Variants in RCC1 observed in about 807,000 individuals in gnomAD.
RCC1 encodes the protein regulator of chromosome condensation 1, also known as regulator of chromosome condensation.
RCC1 carries 11 observed loss-of-function variants against 44.4 expected under a neutral mutation model. That is an observed-to-expected ratio of 0.25 (90% confidence interval 0.16 to 0.41). The LOEUF is 0.41. Among genes scored for constraint, RCC1 ranks in the 10% least tolerant of loss-of-function variants. The pLI is 1.00. For missense variants in RCC1, 386 were observed against 547.1 expected (o/e 0.71, Z 2.94); for synonymous variants, 213 against 216.5 (o/e 0.98, Z 0.14).
chr1:28,528,531 G>A (rs1663848682), intron 4 of RCC1, among the ~76,000 whole-genome samples: 2 of 152,144 alleles, frequency 1.3e-5, no homozygotes, highest in African/African-American at 4.8e-5. Context: ...GGAAGGCTGA[G>A]GCACAAGAAT....
intron 4 of RCC1, among the ~76,000 whole-genome samples, chr1:28,517,975 C>A (rs1302062164): frequency 1.3e-5 from 2 of 152,274 alleles, no homozygotes; most frequent in African/African-American, 4.8e-5. Context: ...TCCGTACAGA[C>A]CCTACCGCAC....
At chr1:28,531,617 C>G (rs901864691) in intron 5 of RCC1, among the ~76,000 whole-genome samples, 186 bp from the exon 6 acceptor site, 3 of 149,708 alleles carry the variant, frequency 2.0e-5, no homozygotes, top group African/African-American at 7.6e-5. Context: ...TTAATCTCCA[C>G]AAAAATCCTG....
rs767241511 is a variant in RCC1 at position 28,536,247 on chromosome 1, C to A, written c.818-15C>A. On this transcript the variant is annotated splice_polypyrimidine_tract_variant and intron_variant, in intron 10 of 12. Coordinates refer to ENST00000683442, the MANE Select transcript of RCC1 (RefSeq NM_001381865.2). The surrounding 1 kb of genome is among the most constrained non-coding windows in gnomAD (Gnocchi z 4.9). ...AGAACACCTTCACCCCTGATGGCTC[C>A]GGCCTTTCCCCCAGGAACTCCGGGC... The A allele has an allele frequency of 2.5e-6, 4 of 1,612,866 alleles. No individual in the cohort carries two copies. Among genetic ancestry groups the A allele is most frequent in the Non-Finnish European group, 3.4e-6 (4 of 1,179,376 alleles).
intron 3 of RCC1, 107 bp downstream of exon 3, chr1:28,509,012 C>T (rs958073852): frequency 9.6e-6 from 4 of 416,016 alleles, no homozygotes; most frequent in Middle Eastern, 3.8e-4. Context: ...CTTGCTCTGT[C>T]GCCCAGGCTG....
intron 6 of RCC1, 40 bp from the exon 7 acceptor site, chr1:28,532,131 G>A (rs745684281): frequency 6.9e-6 from 11 of 1,600,170 alleles, no homozygotes; most frequent in African/African-American, 2.7e-5. Flanking sequence ...AATGGACTGC[G>A]AGGCCAGACG....
chr1:28,524,949 A>G (rs1663547548), intron 4 of RCC1, among the ~76,000 whole-genome samples: 2 of 152,166 alleles, frequency 1.3e-5, no homozygotes, highest in South Asian at 4.1e-4. Flanking sequence ...TAAGCCGCAG[A>G]CAAAACCCCC....
chr1:28,538,186 T>G lies in RCC1; in HGVS notation c.*179T>G. ...CTTTTCCTTCCTCCTCTTTGGAATT[T>G]TCCTGGGACCTACAGAATAAAGGGG... On this transcript the variant is annotated 3_prime_UTR_variant, in exon 13 of 13. Coordinates refer to ENST00000683442, the MANE Select transcript of RCC1 (RefSeq NM_001381865.2). 1.6e-5 allele frequency: 8 copies of G among 493,896 alleles called. No individual in the cohort carries two copies. The highest frequency in any genetic ancestry group is 2.0e-5 in the African/African-American group (1 of 50,260). The allele number at this position is 493,896 out of a possible 1,614,324, so 30.6% of individuals were successfully genotyped here. A position where few individuals can be genotyped will look rare whatever the true frequency, so the allele number is the denominator to read the frequency against.
intron 5 of RCC1, 112 bp from the exon 6 acceptor site, chr1:28,531,691 A>G (rs1664185759): frequency 1.3e-6 from 1 of 794,276 alleles, no homozygotes; most frequent in Non-Finnish European, 1.8e-6. Context: ...TCATACTAAC[A>G]GTCTGTGGCA....
chr1:28,506,494 G>A (rs759838536), intron 1 of RCC1: 3 of 318,984 alleles, frequency 9.4e-6, no homozygotes, highest in African/African-American at 2.3e-5. Flanking sequence ...CGGAAATCAT[G>A]TAATTTAAAA....
intron 4 of RCC1, among the ~76,000 whole-genome samples, chr1:28,525,906 G>A (rs965087008): frequency 1.8e-4 from 28 of 152,186 alleles, no homozygotes; most frequent in African/African-American, 2.4e-5. Context: ...AGCTGAGACC[G>A]AGAAGGGCTC....
At chr1:28,507,600 CTTTTTTTTTTTTT>C (rs34452349) in intron 1 of RCC1, 1 of 347,288 alleles carries the variant, frequency 2.9e-6, no homozygotes, top group Non-Finnish European at 5.4e-6. Context: ...GGATTGAAGT[CTTTTTTTTTTTTT>C]TTTTTTTTGG....
At chr1:28,517,396 C>A (rs1181570129) in intron 4 of RCC1, among the ~76,000 whole-genome samples, 1 of 152,138 alleles carries the variant, frequency 6.6e-6, no homozygotes, top group Non-Finnish European at 1.5e-5. Context: ...CTCTCTCATT[C>A]CTCTTGCTCC....
intron 4 of RCC1, among the ~76,000 whole-genome samples, chr1:28,519,127 T>G (rs1663113506): frequency 6.6e-6 from 1 of 152,060 alleles, no homozygotes; most frequent in South Asian, 2.1e-4. Flanking sequence ...TGAATGGGGT[T>G]TTGAAGGAAC....
At chr1:28,531,699 G>C (rs1441691051) in intron 5 of RCC1, 104 bp from the exon 6 acceptor site, 22 of 910,506 alleles carry the variant, frequency 2.4e-5, no homozygotes, top group Non-Finnish European at 3.4e-5. Context: ...ACAGTCTGTG[G>C]CAGAGCAGGG....
At chr1:28,509,750 C>T (rs1662358323) in intron 3 of RCC1, 1 of 152,142 alleles carries the variant, frequency 6.6e-6, no homozygotes, top group Non-Finnish European at 1.5e-5. Context: ...GAAACCTAGT[C>T]TCAGGTGGGT....
Position 28,508,916 on chromosome 1 carries a change from T to G in RCC1, c.-153+11T>G, listed in dbSNP as rs766925213. 2.1e-6 allele frequency: 1 copy of G among 474,286 alleles called. No homozygotes were observed. The highest frequency in any genetic ancestry group is 4.0e-6 in the Non-Finnish European group (1 of 248,332). The allele number at this position is 474,286 out of a possible 1,614,324, so 29.4% of individuals were successfully genotyped here. ...TAGAAGGGAGAGTAGGTAAACTGAT[T>G]TTTTTTTTTAACAGGGAGGGTTTGA... is the stretch of plus-strand genomic sequence containing the variant. On this transcript the variant is annotated intron_variant, in intron 3 of 12. Coordinates refer to ENST00000683442, the MANE Select transcript of RCC1 (RefSeq NM_001381865.2).
At chr1:28,514,592 T>A (rs1662773532) in intron 3 of RCC1, among the ~76,000 whole-genome samples, 1 of 150,714 alleles carries the variant, frequency 6.6e-6, no homozygotes, top group South Asian at 2.1e-4. Context: ...AGAAACCCCG[T>A]CTCTACTAAA....
chr1:28,509,969 T>G (rs1274795860), intron 3 of RCC1: 2 of 152,170 alleles, frequency 1.3e-5, no homozygotes, highest in Non-Finnish European at 2.9e-5. Context: ...CTGGCGCACC[T>G]CCGCCTGAAG....
At chr1:28,519,458 G>A (rs976538634) in intron 4 of RCC1, among the ~76,000 whole-genome samples, 13 of 152,154 alleles carry the variant, frequency 8.5e-5, no homozygotes, top group African/African-American at 3.1e-4. Context: ...ATCCTGTTCT[G>A]TTCATCGTTA....
Sources: allele counts gnomAD v4.1 joint callset (sites outside exome capture counted in the v4.1 genomes callset), GRCh38; gene constraint gnomAD v4.1.1; non-coding constraint Gnocchi (gnomAD v3.1); transcripts MANE v1.5; gene names NCBI Gene and HGNC (gene_info 2026-07-23, HGNC 2026-07-21).